Variants in ZNF106 observed in about 807,000 individuals in gnomAD.
ZNF106 encodes SH3-domain binding protein 3.
ZNF106 carries 67 observed loss-of-function variants against 195.1 expected under a neutral mutation model. The ratio of observed to expected loss-of-function variants is 0.34; its 90% CI spans 0.28 to 0.42. The LOEUF (loss-of-function observed/expected upper bound fraction) is 0.42. ZNF106 is among the 10% of genes least tolerant of loss of function. The pLI is 1.00. For missense variants in ZNF106, 2,118 were observed against 2,304.5 expected (o/e 0.92, Z 1.66); for synonymous variants, 784 against 818.6 (o/e 0.96, Z 0.72).
intron 6 of ZNF106, 39 bp downstream of exon 6, chr15:42,448,033 A>T (rs1239553058): frequency 6.4e-7 from 1 of 1,554,928 alleles, no homozygotes; most frequent in African/African-American, 1.4e-5. Context: ...AACTTGCCAC[A>T]TGCGATGTTC....
Position 42,417,795 on chromosome 15 carries a change from A to G in ZNF106, c.5664+10T>C. On this transcript the variant is annotated intron_variant, in intron 21 of 21. Coordinates refer to ENST00000564754, the MANE Select transcript of ZNF106 (RefSeq NM_001366845.3). ...GAATCCCAGGCAAACCTCAAGTCCC[A>G]CTAATGTACCTGTTTGGATCCTTTC... is the stretch of plus-strand genomic sequence containing the variant. The G allele has an allele frequency of 6.2e-7, 1 of 1,609,734 alleles. No individual in the cohort carries two copies. The highest frequency in any genetic ancestry group is 8.5e-7 in the Non-Finnish European group (1 of 1,178,116).
chr15:42,457,571 C>T (rs2056271229), intron 3 of ZNF106: 1 of 1,007,566 alleles, frequency 9.9e-7, no homozygotes, highest in Non-Finnish European at 1.2e-6. Flanking sequence ...AATCTTTAGT[C>T]TAGAGCTTTC....
chr15:42,462,196 T>C (rs1393357690), intron 3 of ZNF106, among the ~76,000 whole-genome samples: 1 of 152,208 alleles, frequency 6.6e-6, no homozygotes, highest in Non-Finnish European at 1.5e-5. Context: ...AAAATCTCCA[T>C]AGCACAGTGT....
At chr15:42,422,423 T>A in intron 18 of ZNF106, 78 bp downstream of exon 18, 1 of 1,535,146 alleles carries the variant, frequency 6.5e-7, no homozygotes. Flanking sequence ...CCCACCTTAC[T>A]GTATCAAAAA....
chr15:42,479,234 C>T (rs2056849413), intron 1 of ZNF106, among the ~76,000 whole-genome samples: 1 of 151,874 alleles, frequency 6.6e-6, no homozygotes, highest in Non-Finnish European at 1.5e-5. Flanking sequence ...ATTAGCTGGG[C>T]ATGGTGGTGG....
intron 1 of ZNF106, among the ~76,000 whole-genome samples, chr15:42,488,552 T>C (rs1198904905): frequency 6.6e-6 from 1 of 152,120 alleles, no homozygotes; most frequent in African/African-American, 2.4e-5. Flanking sequence ...GGTGCTCTTA[T>C]TCATTGGGTA....
At chr15:42,421,558 TG>T (rs916239224) in intron 19 of ZNF106, among the ~76,000 whole-genome samples, 1 of 152,220 alleles carries the variant, frequency 6.6e-6, no homozygotes, top group African/African-American at 2.4e-5. Context: ...TTACGTGAGT[TG>T]GTTTCTACTT....
intron 7 of ZNF106, among the ~76,000 whole-genome samples, chr15:42,446,227 G>C (rs1464498424): frequency 2.6e-5 from 4 of 152,188 alleles, no homozygotes; most frequent in African/African-American, 9.7e-5. Flanking sequence ...TGGACAATCA[G>C]TGTTTGATAA....
intron 1 of ZNF106, among the ~76,000 whole-genome samples, chr15:42,489,391 G>C (rs2057089946): frequency 6.6e-6 from 1 of 151,870 alleles, no homozygotes; most frequent in East Asian, 2.0e-4. Flanking sequence ...CGGTCAGCCT[G>C]GTCTCAAACT....
At chr15:42,466,499 T>C (rs889021889) in intron 2 of ZNF106, among the ~76,000 whole-genome samples, 2 of 152,178 alleles carry the variant, frequency 1.3e-5, no homozygotes, top group African/African-American at 4.8e-5. Context: ...TGGCTTCTTT[T>C]ATCCACAGTT....
intron 3 of ZNF106, 41 bp from the exon 4 acceptor site, chr15:42,457,199 C>A (rs964092054): frequency 6.2e-7 from 1 of 1,613,916 alleles, no homozygotes; most frequent in Non-Finnish European, 8.5e-7. Flanking sequence ...ATTCTCCCCA[C>A]TGGCATGGCA....
intron 3 of ZNF106, among the ~76,000 whole-genome samples, chr15:42,462,773 C>T (rs754419669): frequency 6.6e-6 from 1 of 152,058 alleles, no homozygotes; most frequent in African/African-American, 2.4e-5. Context: ...ATTATAAACA[C>T]GAGTCTTATG....
At chr15:42,465,746 G>C (rs1300795914) in intron 3 of ZNF106, among the ~76,000 whole-genome samples, 1 of 152,166 alleles carries the variant, frequency 6.6e-6, no homozygotes, top group African/African-American at 2.4e-5. Flanking sequence ...TGTCCTAGTT[G>C]CAAGGCTAGC....
intron 14 of ZNF106, among the ~76,000 whole-genome samples, chr15:42,428,867 C>G (rs1301133016): frequency 6.6e-6 from 1 of 151,562 alleles, no homozygotes; most frequent in Non-Finnish European, 1.5e-5. Flanking sequence ...CGGTTCACAC[C>G]ATTCTCCTGC....
intron 4 of ZNF106, 48 bp downstream of exon 4, chr15:42,456,910 G>C: frequency 6.6e-7 from 1 of 1,510,808 alleles, no homozygotes; most frequent in Non-Finnish European, 9.1e-7. Flanking sequence ...TATATTCTCT[G>C]CTGTGTTCTG....
At chr15:42,429,712 C>A (rs927160823) in intron 14 of ZNF106, among the ~76,000 whole-genome samples, 6 of 151,910 alleles carry the variant, frequency 3.9e-5, no homozygotes, top group Non-Finnish European at 8.8e-5. Flanking sequence ...AGTAAATATG[C>A]CTAAATATTA....
At chr15:42,427,802 G>A in intron 15 of ZNF106, 1 of 380,122 alleles carries the variant, frequency 2.6e-6, no homozygotes, top group East Asian at 4.2e-5. Context: ...ATTTAGTGGA[G>A]TTACATTTTG....
At chr15:42,480,582 T>G (rs1018908874) in intron 1 of ZNF106, among the ~76,000 whole-genome samples, 1 of 152,234 alleles carries the variant, frequency 6.6e-6, no homozygotes, top group African/African-American at 2.4e-5. Context: ...TTAATTTTTC[T>G]ACTAGTTTTT....
At position 42,444,885 on chromosome 15, in the gene ZNF106, C is replaced by T. The variant is rs750348826; in HGVS notation, c.3302G>A (p.Arg1101His). The change falls in exon 8 of 22, where the codon CGT becomes CAT. Residue 1101 changes from arginine to histidine, a missense_variant. By Grantham distance (29) the Arg-to-His change is conservative. Coordinates refer to ENST00000564754, the MANE Select transcript of ZNF106 (RefSeq NM_001366845.3). ...QCMDNNLLQARAALQTAYVEV... is the reference protein window; with the variant it reads ...QCMDNNLLQAHAALQTAYVEV... Reference sequence around the variant, plus strand: ...CACATAAGCTGTCTGAAGGGCTGCACGGGCTTGCAGAAGATTGTTATCCAT... The same window carrying T: ...CACATAAGCTGTCTGAAGGGCTGCATGGGCTTGCAGAAGATTGTTATCCAT... 4 of 1,614,148 alleles carry T rather than the reference C, an allele frequency of 2.5e-6. No homozygotes were observed. Among genetic ancestry groups the T allele is most frequent in the East Asian group, 4.5e-5 (2 of 44,882 alleles).
Sources: allele counts gnomAD v4.1 joint callset (sites outside exome capture counted in the v4.1 genomes callset), GRCh38; gene constraint gnomAD v4.1.1; transcripts MANE v1.5; gene names NCBI Gene and HGNC (gene_info 2026-07-23, HGNC 2026-07-21).